Variants in SPOCK3 observed in about 807,000 individuals in gnomAD.
The protein encoded by SPOCK3 is testican-3.
SPOCK3 carries 30 observed loss-of-function variants against 56.6 expected under a neutral mutation model. The ratio of observed to expected loss-of-function variants is 0.53; its 90% CI spans 0.40 to 0.72. SPOCK3 has a LOEUF of 0.72. Among genes scored for constraint, SPOCK3 ranks in the 30% least tolerant of loss-of-function variants. The pLI, the probability that SPOCK3 is intolerant of heterozygous loss-of-function variation, is 0.00. For missense variants in SPOCK3, 527 were observed against 530.0 expected (o/e 0.99, Z 0.06); for synonymous variants, 196 against 183.3 (o/e 1.07, Z -0.56).
chr4:166,769,994 G>A (rs534789523), intron 7 of SPOCK3, among the ~76,000 whole-genome samples: 132 of 152,266 alleles, frequency 8.7e-4, no homozygotes, highest in Non-Finnish European at 1.6e-3. Context: ...AGCCATGCAC[G>A]GGATATAATC....
At chr4:167,227,240 G>A (rs764309352) in intron 2 of SPOCK3, among the ~76,000 whole-genome samples, 43 of 152,048 alleles carry the variant, frequency 2.8e-4, no homozygotes, top group Non-Finnish European at 4.7e-4. Context: ...GCTTAGACAC[G>A]GCATTTCTAT....
At chr4:167,107,907 T>C (rs1760309260) in intron 2 of SPOCK3, among the ~76,000 whole-genome samples, 1 of 151,794 alleles carries the variant, frequency 6.6e-6, no homozygotes, top group South Asian at 2.1e-4. Flanking sequence ...AGATTCCTTC[T>C]CACAAGAGAT....
At chr4:167,125,228 T>G (rs1762174201) in intron 2 of SPOCK3, among the ~76,000 whole-genome samples, 1 of 145,398 alleles carries the variant, frequency 6.9e-6, no homozygotes, top group Admixed American at 6.9e-5. Flanking sequence ...TATTTATTTA[T>G]TTTTATTTAT....
chr4:167,210,221 G>A (rs542190843), intron 2 of SPOCK3, among the ~76,000 whole-genome samples: 4 of 152,040 alleles, frequency 2.6e-5, no homozygotes, highest in Non-Finnish European at 5.9e-5. Flanking sequence ...AACTTTGCAT[G>A]TGTAGATCCC....
intron 7 of SPOCK3, among the ~76,000 whole-genome samples, chr4:166,766,101 G>T (rs1014360349): frequency 3.3e-5 from 5 of 152,146 alleles, no homozygotes; most frequent in African/African-American, 9.7e-5. Flanking sequence ...AGATGATAGG[G>T]TTTTCTAAAT....
At chr4:166,865,408 A>C (rs894608063) in intron 6 of SPOCK3, among the ~76,000 whole-genome samples, 4 of 152,190 alleles carry the variant, frequency 2.6e-5, no homozygotes, top group African/African-American at 9.7e-5. Flanking sequence ...CCTATTCAAC[A>C]TAGTATTGGA....
intron 4 of SPOCK3, among the ~76,000 whole-genome samples, chr4:166,924,682 T>C (rs918403531): frequency 9.9e-5 from 15 of 152,180 alleles, no homozygotes; most frequent in African/African-American, 1.2e-4. Context: ...GCTGAACACA[T>C]GGCTGGTAAG....
At chr4:167,080,108 C>T (rs1433864514) in intron 2 of SPOCK3, among the ~76,000 whole-genome samples, 1 of 151,976 alleles carries the variant, frequency 6.6e-6, no homozygotes, top group Non-Finnish European at 1.5e-5. Context: ...TTCTCCACTC[C>T]CACCATTTTC....
intron 5 of SPOCK3, among the ~76,000 whole-genome samples, chr4:166,902,287 A>C (rs1301626498): frequency 6.6e-6 from 1 of 151,960 alleles, no homozygotes; most frequent in African/African-American, 2.4e-5. Flanking sequence ...GATGGACTTT[A>C]CTTTGGTAAT....
intron 2 of SPOCK3, among the ~76,000 whole-genome samples, chr4:167,213,093 A>AT (rs1170787402): frequency 6.6e-6 from 1 of 152,250 alleles, no homozygotes; most frequent in Non-Finnish European, 1.5e-5. Flanking sequence ...CACTGGCAGC[A>AT]TGTGATTGAA....
chr4:166,784,833 A>C (rs1740567102), intron 7 of SPOCK3, among the ~76,000 whole-genome samples: 1 of 152,074 alleles, frequency 6.6e-6, no homozygotes, highest in Admixed American at 6.6e-5. Context: ...CAGATATAAG[A>C]CATTATCTTA....
At chr4:167,151,264 G>A (rs1367962798) in intron 2 of SPOCK3, among the ~76,000 whole-genome samples, 1 of 152,090 alleles carries the variant, frequency 6.6e-6, no homozygotes, top group Non-Finnish European at 1.5e-5. Flanking sequence ...AAGAAATGAC[G>A]CTCTAAGGTT....
At chr4:167,120,072 T>C (rs568156633) in intron 2 of SPOCK3, among the ~76,000 whole-genome samples, 1 of 152,066 alleles carries the variant, frequency 6.6e-6, no homozygotes, top group South Asian at 2.1e-4. Flanking sequence ...TCATAAACAA[T>C]GTACACATAC....
chr4:166,885,799 T>A (rs1196165505), intron 6 of SPOCK3, among the ~76,000 whole-genome samples: 2 of 152,148 alleles, frequency 1.3e-5, no homozygotes, highest in Non-Finnish European at 2.9e-5. Flanking sequence ...ATAAAACTCA[T>A]AATCATAAGA....
chr4:166,842,887 G>A (rs907713948), intron 6 of SPOCK3, among the ~76,000 whole-genome samples: 2 of 152,210 alleles, frequency 1.3e-5, no homozygotes, highest in African/African-American at 2.4e-5. Context: ...TGTGTAGCAG[G>A]GGATGGTGCC....
chr4:167,231,991 A>G (rs1737223093), intron 2 of SPOCK3, among the ~76,000 whole-genome samples: 1 of 152,102 alleles, frequency 6.6e-6, no homozygotes, highest in South Asian at 2.1e-4. Context: ...GTATCAGTAA[A>G]TCCTTTTTAA....
At chr4:167,085,875 G>T (rs1758150902) in intron 2 of SPOCK3, among the ~76,000 whole-genome samples, 1 of 151,910 alleles carries the variant, frequency 6.6e-6, no homozygotes, top group Admixed American at 6.6e-5. Flanking sequence ...TATGATATAG[G>T]TATTTATGTC....
At chr4:166,831,091 A>G (rs1480144231) in intron 6 of SPOCK3, among the ~76,000 whole-genome samples, 1 of 152,202 alleles carries the variant, frequency 6.6e-6, no homozygotes, top group Non-Finnish European at 1.5e-5. Context: ...ACAAATCTGT[A>G]GGAATTTTAA....
At chr4:166,952,287 T>C (rs527730759) in intron 4 of SPOCK3, among the ~76,000 whole-genome samples, 54 of 152,106 alleles carry the variant, frequency 3.6e-4, no homozygotes, top group Admixed American at 1.4e-3. Context: ...TATACACCAA[T>C]AACAGACAAA....
Sources: allele counts gnomAD v4.1 joint callset (sites outside exome capture counted in the v4.1 genomes callset), GRCh38; gene constraint gnomAD v4.1.1; transcripts MANE v1.5; gene names NCBI Gene and HGNC (gene_info 2026-07-23, HGNC 2026-07-21).